The following ATG13 variants were observed in gnomAD, a reference collection of about 807,000 sequenced individuals.
The protein encoded by ATG13 is autophagy related 13.
Under a neutral mutation model 65.5 loss-of-function variants are expected in ATG13, and 23 were observed. The observed-to-expected ratio is 0.35, with a 90% CI of 0.25 to 0.50. The LOEUF (loss-of-function observed/expected upper bound fraction) is 0.50, where lower values mean the gene tolerates loss of function less well. ATG13 is among the 20% of genes least tolerant of loss of function. ATG13 has a pLI of 0.98. For synonymous variants in ATG13, 252 were observed against 245.2 expected, an observed-to-expected ratio of 1.03 and a Z score of -0.26; for missense variants, 566 against 677.0, an observed-to-expected ratio of 0.84 and a Z score of 1.82.
At chr11:46,657,652 A>C in intron 10 of ATG13, 30 bp downstream of exon 10, 1 of 1,534,124 alleles carries the variant, frequency 6.5e-7, no homozygotes, top group South Asian at 1.2e-5. Context: ...GCTCTCCCAA[A>C]CTGCAGCTGG....
At chr11:46,636,353 C>A (rs961218313) in intron 2 of ATG13, among the ~76,000 whole-genome samples, 1 of 151,772 alleles carries the variant, frequency 6.6e-6, no homozygotes, top group African/African-American at 2.4e-5. Flanking sequence ...GTCAGGAGAT[C>A]GAGACCATCC....
chr11:46,644,995 G>A (rs1361541065), intron 3 of ATG13, among the ~76,000 whole-genome samples: 1 of 152,088 alleles, frequency 6.6e-6, no homozygotes, highest in Non-Finnish European at 1.5e-5. Context: ...TTGTGGCAGG[G>A]AATATTTAAA....
intron 9 of ATG13, 148 bp from the exon 10 acceptor site, chr11:46,657,376 T>A: frequency 1.1e-6 from 1 of 947,026 alleles, no homozygotes; most frequent in South Asian, 1.5e-5. Context: ...GTCCAGAACG[T>A]AGGATTGGTG....
At chr11:46,643,545 C>T (rs922503016) in intron 2 of ATG13, among the ~76,000 whole-genome samples, 2 of 151,746 alleles carry the variant, frequency 1.3e-5, no homozygotes, top group African/African-American at 4.8e-5. Context: ...CCTCTTTGTT[C>T]ATGCTCGTCT....
chr11:46,648,035 G>A (rs560540586), intron 5 of ATG13, among the ~76,000 whole-genome samples: 3 of 152,218 alleles, frequency 2.0e-5, no homozygotes, highest in Admixed American at 6.5e-5. Context: ...AAGGTAAATA[G>A]AATTTGGAGC....
At chr11:46,652,263 A>G (rs1414294705) in intron 7 of ATG13, among the ~76,000 whole-genome samples, 1 of 151,260 alleles carries the variant, frequency 6.6e-6, no homozygotes, top group Non-Finnish European at 1.5e-5. Context: ...AACCCAAACA[A>G]ACTAGTGCTG....
chr11:46,622,127 AT>A (rs1491335322), intron 1 of ATG13, among the ~76,000 whole-genome samples: 1 of 84,360 alleles, frequency 1.2e-5, no homozygotes, highest in Non-Finnish European at 2.3e-5. Context: ...ATATATATAT[AT>A]TTATTTTAGA....
intron 10 of ATG13, 190 bp from the exon 11 acceptor site, chr11:46,659,202 G>A: frequency 1.9e-6 from 1 of 536,014 alleles, no homozygotes; most frequent in Non-Finnish European, 3.3e-6. Context: ...ACAAAACATT[G>A]TCAAACCTCT....
At chr11:46,635,398 G>A (rs2053603145) in intron 2 of ATG13, among the ~76,000 whole-genome samples, 1 of 152,146 alleles carries the variant, frequency 6.6e-6, no homozygotes, top group Non-Finnish European at 1.5e-5. Flanking sequence ...ATTGTGTAAT[G>A]ATCAAATCAG....
intron 8 of ATG13, 75 bp from the exon 9 acceptor site, chr11:46,657,020 A>T: frequency 1.6e-6 from 2 of 1,274,334 alleles, no homozygotes; most frequent in East Asian, 4.6e-5. Flanking sequence ...AGGCCAAATA[A>T]TTCAGGGAAA....
chr11:46,657,036 T>C (rs1351718878), intron 8 of ATG13, 59 bp from the exon 9 acceptor site: 1 of 1,391,440 alleles, frequency 7.2e-7, no homozygotes, highest in East Asian at 2.3e-5. Context: ...GGAAAGACGG[T>C]CTGGGGGCAG....
intron 14 of ATG13, 31 bp downstream of exon 14, chr11:46,665,550 A>G (rs1172789086): frequency 1.2e-6 from 2 of 1,610,758 alleles, no homozygotes; most frequent in African/African-American, 1.3e-5. Context: ...TGTCTCTGGT[A>G]AGGCTGGCCA....
chr11:46,665,552 G>A, intron 14 of ATG13, 33 bp downstream of exon 14: 2 of 1,610,762 alleles, frequency 1.2e-6, no homozygotes, highest in Non-Finnish European at 1.7e-6. Flanking sequence ...TCTCTGGTAA[G>A]GCTGGCCAGG....
At chr11:46,626,036 A>G (rs184510744) in intron 1 of ATG13, among the ~76,000 whole-genome samples, 96 of 151,458 alleles carry the variant, frequency 6.3e-4, no homozygotes, top group African/African-American at 2.3e-3. Context: ...GCTCACTGCA[A>G]GCTCCGTCTC....
chr11:46,644,165 C>T lies in ATG13; in HGVS notation c.-13-114C>T, dbSNP rs992251989. The stretch of plus-strand genomic sequence containing the variant: ...TTTAGTTAAAGGAAATTTTTTTCCT[C>T]CCACTCCCACATGATTATTCCTAGG... On this transcript the variant is annotated intron_variant, in intron 2 of 18. Transcript: ENST00000683050. 4.9e-5 allele frequency: 36 copies of T among 733,428 alleles called. No individual in the cohort carries two copies. In the South Asian group the frequency reaches 7.7e-4, roughly 16 times the overall value. 45.4% of individuals were successfully genotyped at this position (733,428 alleles called of 1,614,324 possible). A position where few individuals can be genotyped will look rare whatever the true frequency, so the allele number is the denominator to read the frequency against.
At chr11:46,640,880 A>G (rs1039378148) in intron 2 of ATG13, among the ~76,000 whole-genome samples, 2 of 152,218 alleles carry the variant, frequency 1.3e-5, no homozygotes, top group Non-Finnish European at 2.9e-5. Flanking sequence ...TGGACTGTGA[A>G]CTGGTACAGA....
At chr11:46,671,221 C>T (rs1331358828) in intron 18 of ATG13, among the ~76,000 whole-genome samples, 1 of 152,192 alleles carries the variant, frequency 6.6e-6, no homozygotes, top group Non-Finnish European at 1.5e-5. Context: ...AGAGACTCTC[C>T]ACGCTCCCTT....
chr11:46,669,293 A>T, intron 17 of ATG13, 111 bp from the exon 18 acceptor site: 1 of 1,346,694 alleles, frequency 7.4e-7, no homozygotes, highest in Non-Finnish European at 1.0e-6. Flanking sequence ...TTCTCTCCCT[A>T]AGATAAGCCT....
intron 14 of ATG13, among the ~76,000 whole-genome samples, chr11:46,666,632 A>T (rs967901323): frequency 2.0e-5 from 3 of 152,228 alleles, no homozygotes; most frequent in African/African-American, 7.2e-5. Flanking sequence ...AAACTTTCAG[A>T]ACGGTTAAGT....
Sources: gnomAD v4.1 joint callset for allele counts (sites outside exome capture counted in the v4.1 genomes callset) on GRCh38, gnomAD v4.1.1 for gene constraint, MANE v1.5 for transcripts, NCBI Gene and HGNC (gene_info 2026-07-23, HGNC 2026-07-21) for gene names.